Variants in B3GALT1 observed in about 807,000 individuals in gnomAD.
B3GALT1 encodes beta-1,3-galactosyltransferase 1.
Under a neutral mutation model 23.2 loss-of-function variants are expected in B3GALT1, and 10 were observed. The observed-to-expected ratio is 0.43, with a 90% CI of 0.27 to 0.73. The LOEUF (loss-of-function observed/expected upper bound fraction) is 0.73, where lower values mean the gene tolerates loss of function less well. B3GALT1 is among the 30% of genes least tolerant of loss of function. The pLI, the probability that B3GALT1 is intolerant of heterozygous loss-of-function variation, is 0.21. For synonymous variants in B3GALT1, 156 were observed against 141.5 expected (o/e 1.10, Z -0.73); for missense variants, 299 against 405.4 (o/e 0.74, Z 2.25).
At chr2:167,363,423 A>G (rs548863539) in intron 1 of B3GALT1, among the ~76,000 whole-genome samples, 68 of 152,130 alleles carry the variant, frequency 4.5e-4, no homozygotes, top group Admixed American at 1.6e-3. Flanking sequence ...CACAAAAGAT[A>G]CCATTGATCA....
intron 3 of B3GALT1, among the ~76,000 whole-genome samples, chr2:167,805,411 G>A (rs1196839715): frequency 1.3e-5 from 2 of 152,202 alleles, no homozygotes; most frequent in African/African-American, 4.8e-5. Context: ...CCCTGCCTAT[G>A]TCCTGAATGG....
intron 1 of B3GALT1, among the ~76,000 whole-genome samples, chr2:167,393,801 C>T (rs181566562): frequency 3.9e-5 from 6 of 152,266 alleles, no homozygotes; most frequent in African/African-American, 1.4e-4. Flanking sequence ...AATAAATGGA[C>T]CTGTACATGC....
intron 1 of B3GALT1, among the ~76,000 whole-genome samples, chr2:167,405,388 G>C (rs1273671878): frequency 6.6e-6 from 1 of 151,966 alleles, no homozygotes; most frequent in African/African-American, 2.4e-5. Flanking sequence ...ACTTCCATGT[G>C]TTGTTAATAT....
At chr2:167,615,244 C>G (rs1685140354) in intron 2 of B3GALT1, among the ~76,000 whole-genome samples, 1 of 151,802 alleles carries the variant, frequency 6.6e-6, no homozygotes, top group Admixed American at 6.6e-5. Flanking sequence ...CATGGATGAG[C>G]CTGGAAGATG....
At chr2:167,299,876 C>CT (rs960788112) in intron 1 of B3GALT1, among the ~76,000 whole-genome samples, 4 of 150,668 alleles carry the variant, frequency 2.7e-5, no homozygotes, top group Non-Finnish European at 5.9e-5. Context: ...AACATATATT[C>CT]TTTTTTTAAC....
chr2:167,322,616 T>C (rs1435375245), intron 1 of B3GALT1, among the ~76,000 whole-genome samples: 1 of 151,994 alleles, frequency 6.6e-6, no homozygotes, highest in Non-Finnish European at 1.5e-5. Context: ...GTAGCGATTT[T>C]GCAAGGGAAT....
At chr2:167,677,952 T>C (rs957707076) in intron 3 of B3GALT1, among the ~76,000 whole-genome samples, 3 of 152,162 alleles carry the variant, frequency 2.0e-5, no homozygotes, top group Non-Finnish European at 2.9e-5. Flanking sequence ...TCCACTATCA[T>C]GATAACAGCA....
At chr2:167,353,573 A>G (rs1029642524) in intron 1 of B3GALT1, among the ~76,000 whole-genome samples, 1 of 152,126 alleles carries the variant, frequency 6.6e-6, no homozygotes, top group African/African-American at 2.4e-5. Flanking sequence ...TATTCAATGT[A>G]TATACACAAC....
chr2:167,344,828 A>G (rs1697204300), intron 1 of B3GALT1, among the ~76,000 whole-genome samples: 1 of 152,184 alleles, frequency 6.6e-6, no homozygotes, highest in South Asian at 2.1e-4. Flanking sequence ...ATTACTAGTG[A>G]ATGTCATAGC....
At chr2:167,663,012 G>C (rs1686094835) in intron 3 of B3GALT1, among the ~76,000 whole-genome samples, 2 of 151,500 alleles carry the variant, frequency 1.3e-5, no homozygotes, top group African/African-American at 2.4e-5. Context: ...ACAATGTGCA[G>C]GTTAGTTACA....
intron 1 of B3GALT1, among the ~76,000 whole-genome samples, chr2:167,425,775 C>G (rs186255038): frequency 6.6e-6 from 1 of 152,220 alleles, no homozygotes; most frequent in East Asian, 1.9e-4. Context: ...CGACTTTGTA[C>G]ATGACTTATA....
chr2:167,809,735 A>G (rs1362996943), intron 3 of B3GALT1, among the ~76,000 whole-genome samples: 1 of 152,104 alleles, frequency 6.6e-6, no homozygotes, highest in Non-Finnish European at 1.5e-5. Flanking sequence ...GGGGTCAGGG[A>G]CCCACTTGAG....
intron 1 of B3GALT1, among the ~76,000 whole-genome samples, chr2:167,442,869 C>G (rs1698917593): frequency 7.2e-6 from 1 of 139,206 alleles, no homozygotes; most frequent in African/African-American, 2.8e-5. Context: ...TGCAGAAGCT[C>G]TTTAGTTTAA....
intron 3 of B3GALT1, among the ~76,000 whole-genome samples, chr2:167,657,324 T>C (rs545898207): frequency 6.6e-6 from 1 of 152,070 alleles, no homozygotes; most frequent in East Asian, 1.9e-4. Flanking sequence ...GAGGAGAGTA[T>C]ACAGAGAGAG....
At chr2:167,529,735 T>C (rs994868667) in intron 2 of B3GALT1, among the ~76,000 whole-genome samples, 4 of 151,888 alleles carry the variant, frequency 2.6e-5, no homozygotes, top group Middle Eastern at 3.4e-3. Context: ...TTGTTGGTTA[T>C]ATCTCAAAAT....
intron 2 of B3GALT1, among the ~76,000 whole-genome samples, chr2:167,599,987 A>G (rs888461665): frequency 6.6e-6 from 1 of 152,220 alleles, no homozygotes; most frequent in African/African-American, 2.4e-5. Context: ...TAGAGTAGGA[A>G]TGTGTCTCCC....
intron 3 of B3GALT1, among the ~76,000 whole-genome samples, chr2:167,718,987 C>T (rs1687192317): frequency 6.6e-6 from 1 of 152,078 alleles, no homozygotes; most frequent in Non-Finnish European, 1.5e-5. Flanking sequence ...TTCTAGCGTA[C>T]AATTTAACAA....
intron 4 of B3GALT1, among the ~76,000 whole-genome samples, chr2:167,823,525 A>ACAATCT (rs1379314737): frequency 1.3e-5 from 2 of 152,370 alleles, no homozygotes; most frequent in African/African-American, 4.8e-5. Flanking sequence ...AATTTTGTAA[A>ACAATCT]CAATCTCATA....
chr2:167,591,750 G>A (rs1684686336), intron 2 of B3GALT1, among the ~76,000 whole-genome samples: 1 of 152,104 alleles, frequency 6.6e-6, no homozygotes, highest in African/African-American at 2.4e-5. Context: ...TGGGATTACA[G>A]GCATGAGCCA....
Sources: gnomAD v4.1 joint callset for allele counts (sites outside exome capture counted in the v4.1 genomes callset) on GRCh38, gnomAD v4.1.1 for gene constraint, MANE v1.5 for transcripts, NCBI Gene and HGNC (gene_info 2026-07-23, HGNC 2026-07-21) for gene names.